Variants in KCNQ1 observed in about 807,000 individuals in gnomAD.
KCNQ1 encodes the protein potassium voltage-gated channel subfamily KQT member 1.
A neutral mutation model predicts 72.4 loss-of-function variants in KCNQ1; 49 were observed. That is an observed-to-expected ratio of 0.68 (90% confidence interval 0.54 to 0.86). The LOEUF is 0.86. Among genes scored for constraint, KCNQ1 ranks in the 40% least tolerant of loss-of-function variants. KCNQ1 has a pLI of 0.00. For synonymous variants in KCNQ1, 450 were observed against 412.6 expected, an observed-to-expected ratio of 1.09 and a Z score of -1.10; for missense variants, 790 against 945.1, an observed-to-expected ratio of 0.84 and a Z score of 2.15.
rs1847756310 is a variant in KCNQ1, at chr11:2,537,710, T to G, written c.477+9692T>G. 6.6e-6 allele frequency among the ~76,000 whole-genome samples: 1 copy of G among 150,820 alleles called. No homozygotes were observed. The highest frequency in any genetic ancestry group is 6.6e-5 in the Admixed American group (1 of 15,236). On this transcript the variant is annotated intron_variant, in intron 2 of 15. Transcript: ENST00000155840. This position sits in a 1 kb window ranked among gnomAD's most constrained non-coding sequence, Gnocchi z 5.2. ...TGGGTTTTGTGGGGTTTTTTGTTGT[T>G]GGTTTTTTATTTTTATTTTTTTGAG... is the stretch of plus-strand genomic sequence containing the variant.
Position 2,445,373 on chromosome 11 carries a change from C to T in KCNQ1, c.275C>T (p.Ser92Phe). ...CCGGTGAGCCTAGACCCGCGCGTCT[C>T]CATCTACAGCACGCGCCGCCCGGTG... The part of the protein sequence containing the change: ...RPPVSLDPRV[S>F]IYSTRRPVLA... Residue 92 changes from serine (S) to phenylalanine (F), a missense_variant, in exon 1 of 16, where the codon TCC becomes TTC. Ser to Phe is a radical substitution (Grantham distance 155). This residue lies in a region of KCNQ1 where 294 missense variants were observed against 323.3 expected (regional missense o/e 0.91). Coordinates refer to ENST00000155840, the MANE Select transcript of KCNQ1 (RefSeq NM_000218.3). 1 of 1,597,730 alleles carries T rather than the reference C, an allele frequency of 6.3e-7. No homozygotes were observed. The highest frequency in any genetic ancestry group is 8.5e-7 in the Non-Finnish European group (1 of 1,179,566).
rs146464643 is a variant in KCNQ1 at position 2,664,557 on chromosome 11, G to A, written c.1514+2476G>A. 7.5e-4 allele frequency: 300 copies of A among 398,710 alleles called. No homozygotes were observed. Among genetic ancestry groups the A allele is most frequent in the African/African-American group, 5.3e-3 (259 of 48,752 alleles). 24.7% of individuals were successfully genotyped at this position (398,710 alleles called of 1,614,324 possible). ...GCCTGGCGGCAGGGGTGTGGGGGCC[G>A]TGCAGGTCTTCTGCCCGCATTGGGG... On this transcript the variant is annotated intron_variant, in intron 11 of 15. Coordinates refer to ENST00000155840, the MANE Select transcript of KCNQ1 (RefSeq NM_000218.3). This position sits in a 1 kb window ranked among gnomAD's most constrained non-coding sequence, Gnocchi z 5.1.
rs1280831273 is a variant in KCNQ1, at chr11:2,642,684, TCTTTC to T, written c.1394-19273_1394-19269del. 1 of 397,868 alleles carries T rather than the reference TCTTTC, an allele frequency of 2.5e-6. No individual in the cohort carries two copies. The highest frequency in any genetic ancestry group is 4.4e-6 in the Non-Finnish European group (1 of 225,726). 24.6% of individuals were successfully genotyped at this position (397,868 alleles called of 1,614,324 possible). On this transcript the variant is annotated intron_variant, in intron 10 of 15. Transcript: ENST00000155840. The surrounding 1 kb of genome is among the most constrained non-coding windows in gnomAD (Gnocchi z 4.3). ...TAGTTCTGCTCTGATCTTCGTTATT[TCTTTC>T]CTTCTACTAATTTTATGTTTAGTAT...
rs1846117486 is a variant in KCNQ1 at position 2,451,424 on chromosome 11, C to T, written c.386+5940C>T. Among the ~76,000 whole-genome samples, 1 of 152,190 alleles carries T rather than the reference C, an allele frequency of 6.6e-6. No individual in the cohort carries two copies. The highest frequency in any genetic ancestry group is 1.5e-5 in the Non-Finnish European group (1 of 68,044). ...CACTGCTGTGCGGCCTGCTCCCTAA[C>T]AGGCCACGGACCCGGGGTTGGAGAA... On this transcript the variant is annotated intron_variant, in intron 1 of 15. Coordinates refer to ENST00000155840, the MANE Select transcript of KCNQ1 (RefSeq NM_000218.3). The surrounding 1 kb of genome is among the most constrained non-coding windows in gnomAD (Gnocchi z 6.4).
chr11:2,819,398 T>C (rs550837862), intron 15 of KCNQ1, among the ~76,000 whole-genome samples: 1 of 152,284 alleles, frequency 6.6e-6, no homozygotes, highest in East Asian at 1.9e-4. Flanking sequence ...CCAACACGTG[T>C]CAGCCCATAC....
intron 15 of KCNQ1, among the ~76,000 whole-genome samples, chr11:2,819,106 G>T (rs911690766): frequency 6.6e-6 from 1 of 152,166 alleles, no homozygotes; most frequent in Non-Finnish European, 1.5e-5. Context: ...TTTGTTCATT[G>T]GTTCATTCAT....
In KCNQ1 at chr11:2,723,061, G is replaced by A. The variant is rs1321049425; in HGVS notation, c.1515-45783G>A. Among the ~76,000 whole-genome samples, 1 of 152,234 alleles carries A rather than the reference G, an allele frequency of 6.6e-6. No homozygotes were observed. Among genetic ancestry groups the A allele is most frequent in the African/African-American group, 2.4e-5 (1 of 41,466 alleles). ...CTCCTGGCCTCCATTCCCGTGCCAGGGTGGTCTGAGCGGAGAGGACAGGGG... is the reference window on the plus strand; with the variant it reads ...CTCCTGGCCTCCATTCCCGTGCCAGAGTGGTCTGAGCGGAGAGGACAGGGG... On this transcript the variant is annotated intron_variant, in intron 11 of 15. Transcript: ENST00000155840. The surrounding 1 kb of genome is among the most constrained non-coding windows in gnomAD (Gnocchi z 4.2).
chr11:2,560,549 GT>G (rs534341157), intron 2 of KCNQ1, among the ~76,000 whole-genome samples: 51 of 127,860 alleles, frequency 4.0e-4, no homozygotes, highest in Admixed American at 8.8e-4. Flanking sequence ...GCGGGGGGGG[GT>G]GACGTCCATC....
At chr11:2,793,781 G>A (rs1372849044) in intron 15 of KCNQ1, among the ~76,000 whole-genome samples, 1 of 152,236 alleles carries the variant, frequency 6.6e-6, no homozygotes, top group African/African-American at 2.4e-5. Flanking sequence ...GCCTGGGGCT[G>A]CAGTGTGAGT....
Position 2,630,081 on chromosome 11 carries a change from C to A in KCNQ1, c.1394-31880C>A, listed in dbSNP as rs1564838745. ...TTCATATATGGCCTTTATTGTGTTGCAGTACATTCCTTCTATACCTAATTT... is the reference window on the plus strand; with the variant it reads ...TTCATATATGGCCTTTATTGTGTTGAAGTACATTCCTTCTATACCTAATTT... On this transcript the variant is annotated intron_variant, in intron 10 of 15. Coordinates refer to ENST00000155840, the MANE Select transcript of KCNQ1 (RefSeq NM_000218.3). 10 of 398,256 alleles carry A rather than the reference C, an allele frequency of 2.5e-5. No individual in the cohort carries two copies. The South Asian group carries it at 6.4e-4, about 25-fold the overall frequency. 24.7% of individuals were successfully genotyped at this position (398,256 alleles called of 1,614,324 possible). A position where few individuals can be genotyped will look rare whatever the true frequency, so the allele number is the denominator to read the frequency against.
chr11:2,528,799 G>A (rs1018113605), intron 2 of KCNQ1, among the ~76,000 whole-genome samples: 4 of 152,248 alleles, frequency 2.6e-5, no homozygotes, highest in African/African-American at 9.6e-5. Flanking sequence ...GGCAGATCTG[G>A]GCTGGTTTCA....
chr11:2,687,393 G>C lies in KCNQ1; in HGVS notation c.1514+25312G>C, dbSNP rs1027814171. ...TCACTCAGGGCTGAGCTCTGCTGAAGGATCTGGGAGGTCAGTAGGCACCTG... is the reference window on the plus strand; with the variant it reads ...TCACTCAGGGCTGAGCTCTGCTGAACGATCTGGGAGGTCAGTAGGCACCTG... On this transcript the variant is annotated intron_variant, in intron 11 of 15. Coordinates refer to ENST00000155840, the MANE Select transcript of KCNQ1 (RefSeq NM_000218.3). The surrounding 1 kb of genome is among the most constrained non-coding windows in gnomAD (Gnocchi z 5.0). 1.3e-5 allele frequency: 5 copies of C among 398,538 alleles called. No individual in the cohort carries two copies. The highest frequency in any genetic ancestry group is 1.0e-4 in the African/African-American group (5 of 48,632). The allele number at this position is 398,538 out of a possible 1,614,324, so 24.7% of individuals were successfully genotyped here.
rs528787638 is a variant in KCNQ1 at position 2,650,855 on chromosome 11, G to A, written c.1394-11106G>A. ...ATTTTATGCTTTTAGGGGAGGATGA[G>A]TGAGATGATTTATAGTCAGAGGGGA... On this transcript the variant is annotated intron_variant, in intron 10 of 15. Coordinates refer to ENST00000155840, the MANE Select transcript of KCNQ1 (RefSeq NM_000218.3). 3 of 398,664 alleles carry A rather than the reference G, an allele frequency of 7.5e-6. No homozygotes were observed. In the East Asian group the frequency reaches 1.1e-4, roughly 14 times the overall value. The allele number at this position is 398,664 out of a possible 1,614,324, so 24.7% of individuals were successfully genotyped here.
chr11:2,694,249 C>T (rs769299357), intron 11 of KCNQ1: 5 of 398,658 alleles, frequency 1.3e-5, no homozygotes, highest in Non-Finnish European at 2.2e-5. Context: ...CAAGCCAGGG[C>T]CTGCTGCCTT....
intron 1 of KCNQ1, among the ~76,000 whole-genome samples, chr11:2,448,244 G>A (rs1437180461): frequency 1.3e-5 from 2 of 152,170 alleles, no homozygotes; most frequent in Non-Finnish European, 2.9e-5. Context: ...GATTTGAGGG[G>A]GGACCTGCAG....
Position 2,809,360 on chromosome 11 carries a change from G to A in KCNQ1, c.1794+31323G>A, listed in dbSNP as rs1015571015. ...CGTGGGTTTTTGCGGTCTTCTCTCA[G>A]CTTTGTGTGGTAGCCAGCGACGCTG... On this transcript the variant is annotated intron_variant, in intron 15 of 15. Coordinates refer to ENST00000155840, the MANE Select transcript of KCNQ1 (RefSeq NM_000218.3). The surrounding 1 kb of genome is among the most constrained non-coding windows in gnomAD (Gnocchi z 7.1). 1.3e-5 allele frequency among the ~76,000 whole-genome samples: 2 copies of A among 152,172 alleles called. No homozygotes were observed. Among genetic ancestry groups the A allele is most frequent in the African/African-American group, 4.8e-5 (2 of 41,436 alleles).
chr11:2,684,658 T>C (rs1850453645), intron 11 of KCNQ1: 1 of 398,556 alleles, frequency 2.5e-6, no homozygotes, highest in Non-Finnish European at 4.4e-6. Flanking sequence ...AAAGAAAGGC[T>C]TGTTGGATGT....
Position 2,677,865 on chromosome 11 carries a change from T to C in KCNQ1, c.1514+15784T>C. On this transcript the variant is annotated intron_variant, in intron 11 of 15. Coordinates refer to ENST00000155840, the MANE Select transcript of KCNQ1 (RefSeq NM_000218.3). The surrounding 1 kb of genome is among the most constrained non-coding windows in gnomAD (Gnocchi z 4.5). ...GCTGTACCATTTACATCACTTTGAC[T>C]GCACAAATGCACTTTCTTCCCCCAC... is the stretch of plus-strand genomic sequence containing the variant. The C allele has an allele frequency of 2.5e-6, 1 of 398,542 alleles. No homozygotes were observed. The highest frequency in any genetic ancestry group is 4.4e-6 in the Non-Finnish European group (1 of 226,026). The allele number at this position is 398,542 out of a possible 1,614,324, so 24.7% of individuals were successfully genotyped here.
chr11:2,608,658 C>A lies in KCNQ1; in HGVS notation c.1393+19804C>A. The A allele has an allele frequency of 2.5e-6, 1 of 398,530 alleles. No individual in the cohort carries two copies. Among genetic ancestry groups the A allele is most frequent in the East Asian group, 3.6e-5 (1 of 28,068 alleles). 24.7% of individuals were successfully genotyped at this position (398,530 alleles called of 1,614,324 possible). A position where few individuals can be genotyped will look rare whatever the true frequency, so the allele number is the denominator to read the frequency against. On this transcript the variant is annotated intron_variant, in intron 10 of 15. Coordinates refer to ENST00000155840, the MANE Select transcript of KCNQ1 (RefSeq NM_000218.3). This position sits in a 1 kb window ranked among gnomAD's most constrained non-coding sequence, Gnocchi z 4.6. The stretch of plus-strand genomic sequence containing the variant: ...AAAAAATATTTTGTAGAGATAGGGT[C>A]TTGCTTTGTTGTGCATGCTATTCTT...
Sources: gnomAD v4.1 joint callset for allele counts (sites outside exome capture counted in the v4.1 genomes callset) on GRCh38, gnomAD v4.1.1 for gene constraint, gnomAD v4.1.1 regional missense constraint, Gnocchi (gnomAD v3.1) non-coding constraint, MANE v1.5 for transcripts, NCBI Gene and HGNC (gene_info 2026-07-23, HGNC 2026-07-21) for gene names.